The following SLC25A21 variants were observed in gnomAD, a reference collection of about 807,000 sequenced individuals.
SLC25A21 encodes the protein mitochondrial 2-oxodicarboxylate carrier.
Under a neutral mutation model 43.8 loss-of-function variants are expected in SLC25A21, and 47 were observed. The ratio of observed to expected loss-of-function variants is 1.07; its 90% CI spans 0.85 to 1.37. The LOEUF (loss-of-function observed/expected upper bound fraction) is 1.37, where lower values mean the gene tolerates loss of function less well. Ranked by LOEUF, SLC25A21 falls within the 40% of genes most tolerant of loss-of-function variation. The pLI, the probability that SLC25A21 is intolerant of heterozygous loss-of-function variation, is 0.00. For synonymous variants in SLC25A21, 131 were observed against 121.3 expected, an observed-to-expected ratio of 1.08 and a Z score of -0.52; for missense variants, 352 against 350.2, an observed-to-expected ratio of 1.00 and a Z score of -0.04.
chr14:37,132,323 A>G (rs1963405220), intron 1 of SLC25A21, among the ~76,000 whole-genome samples: 1 of 152,286 alleles, frequency 6.6e-6, no homozygotes, highest in South Asian at 2.1e-4. Context: ...AGAACTTCAC[A>G]AGCAGAGGAG....
intron 1 of SLC25A21, among the ~76,000 whole-genome samples, chr14:36,919,406 G>A (rs1183054808): frequency 6.6e-6 from 1 of 152,016 alleles, no homozygotes; most frequent in African/African-American, 2.4e-5. Context: ...TAACCTTTGT[G>A]TGAACACCTG....
rs550408622 is a variant in SLC25A21 at position 36,818,687 on chromosome 14, G to GT, written c.120-4687dup. ...ACACATGACTTATTCTGATCACAGAGTTATCAGTTCTTCTCAGGAATCTGT... is the reference window on the plus strand; with the variant it reads ...ACACATGACTTATTCTGATCACAGAGTTTATCAGTTCTTCTCAGGAATCTGT... On this transcript the variant is annotated intron_variant, in intron 2 of 9. Transcript: ENST00000331299. Among the ~76,000 whole-genome samples, 7 of 152,294 alleles carry GT rather than the reference G, an allele frequency of 4.6e-5. No homozygotes were observed. In the South Asian group the frequency reaches 1.4e-3, roughly 32 times the overall value.
chr14:36,802,014 T>C (rs1887886065), intron 3 of SLC25A21, among the ~76,000 whole-genome samples: 1 of 152,194 alleles, frequency 6.6e-6, no homozygotes. Context: ...CATGCCAAAA[T>C]TTAATGCCTC....
chr14:36,785,129 A>C (rs1274881574), intron 3 of SLC25A21, among the ~76,000 whole-genome samples: 1 of 152,200 alleles, frequency 6.6e-6, no homozygotes, highest in Non-Finnish European at 1.5e-5. Flanking sequence ...GCCAAAGTAC[A>C]GTCAGTCCTC....
At chr14:36,785,209 G>C (rs1887203976) in intron 3 of SLC25A21, among the ~76,000 whole-genome samples, 1 of 152,188 alleles carries the variant, frequency 6.6e-6, no homozygotes, top group African/African-American at 2.4e-5. Context: ...GTGGATGCTT[G>C]TGAATGGGGC....
At chr14:36,860,596 C>T (rs1344901799) in intron 2 of SLC25A21, among the ~76,000 whole-genome samples, 2 of 152,196 alleles carry the variant, frequency 1.3e-5, no homozygotes, top group Non-Finnish European at 2.9e-5. Context: ...ATCATGTCTG[C>T]TCACCTGACC....
chr14:36,958,068 A>AT (rs34413483), intron 1 of SLC25A21, among the ~76,000 whole-genome samples: 35 of 150,126 alleles, frequency 2.3e-4, no homozygotes, highest in South Asian at 1.9e-3. Context: ...TTTGAGGCTC[A>AT]TTTTTTTTTT....
chr14:37,054,627 A>C (rs1961781447), intron 1 of SLC25A21, among the ~76,000 whole-genome samples: 1 of 152,138 alleles, frequency 6.6e-6, no homozygotes. Flanking sequence ...GAGGTGATGG[A>C]AAGTGAGGAA....
intron 6 of SLC25A21, among the ~76,000 whole-genome samples, chr14:36,711,750 C>T (rs1468458702): frequency 6.6e-6 from 1 of 152,170 alleles, no homozygotes; most frequent in Non-Finnish European, 1.5e-5. Flanking sequence ...TGTATAATAA[C>T]TATCATCACT....
intron 1 of SLC25A21, among the ~76,000 whole-genome samples, chr14:37,051,399 T>G (rs1310874630): frequency 6.6e-6 from 1 of 152,176 alleles, no homozygotes; most frequent in Non-Finnish European, 1.5e-5. Flanking sequence ...AGGGAAGAAC[T>G]CATTTCACAG....
Position 37,164,899 on chromosome 14 carries a change from T to A in SLC25A21, c.70+7382A>T, listed in dbSNP as rs866206327. 3.3e-5 allele frequency among the ~76,000 whole-genome samples: 5 copies of A among 152,330 alleles called. No individual in the cohort carries two copies. The Middle Eastern group carries it at 0.014, about 415-fold the overall frequency. On this transcript the variant is annotated intron_variant, in intron 1 of 9. Coordinates refer to ENST00000331299, the MANE Select transcript of SLC25A21 (RefSeq NM_030631.4). ...AAAAAGTCTTTCATTTCACTCTTAT[T>A]TGACTCTTTGAAGGTGATTAATGAG...
chr14:36,758,861 G>T (rs1312214925), intron 3 of SLC25A21, among the ~76,000 whole-genome samples: 1 of 152,160 alleles, frequency 6.6e-6, no homozygotes, highest in African/African-American at 2.4e-5. Flanking sequence ...AGGCGTCCAG[G>T]AGAACAATCA....
chr14:37,156,346 AAAAG>A (rs1197796130), intron 1 of SLC25A21, among the ~76,000 whole-genome samples: 2 of 151,990 alleles, frequency 1.3e-5, no homozygotes, highest in East Asian at 1.9e-4. Context: ...TAATAAGAGA[AAAAG>A]AAAGGAACAA....
At chr14:36,881,501 G>A (rs1890723466) in intron 1 of SLC25A21, among the ~76,000 whole-genome samples, 1 of 152,084 alleles carries the variant, frequency 6.6e-6, no homozygotes. Flanking sequence ...TCACTTCCCA[G>A]AAAACATGAG....
At chr14:37,097,774 C>T (rs988968760) in intron 1 of SLC25A21, 1 of 152,064 alleles carries the variant, frequency 6.6e-6, no homozygotes, top group Non-Finnish European at 1.5e-5. Context: ...ATCCCAGCTA[C>T]TCAGGAGGCT....
intron 1 of SLC25A21, among the ~76,000 whole-genome samples, chr14:37,133,880 A>G (rs1963433430): frequency 1.3e-5 from 2 of 152,152 alleles, no homozygotes; most frequent in South Asian, 4.1e-4. Context: ...CCTCAGTAAA[A>G]TCATTCCTGG....
At chr14:36,914,338 T>C (rs1482459188) in intron 1 of SLC25A21, among the ~76,000 whole-genome samples, 6 of 152,124 alleles carry the variant, frequency 3.9e-5, no homozygotes, top group African/African-American at 9.7e-5. Flanking sequence ...ACAGAAAACA[T>C]TGGTAAGGTA....
chr14:36,886,829 C>T (rs1313052551), intron 1 of SLC25A21, among the ~76,000 whole-genome samples: 1 of 152,072 alleles, frequency 6.6e-6, no homozygotes, highest in Admixed American at 6.6e-5. Context: ...AGAAGTTATT[C>T]TTGTCTTCCT....
At chr14:36,982,482 A>C (rs1391092624) in intron 1 of SLC25A21, among the ~76,000 whole-genome samples, 3 of 152,196 alleles carry the variant, frequency 2.0e-5, no homozygotes, top group Non-Finnish European at 2.9e-5. Context: ...TCTAAGCAGT[A>C]GAATTTTTAA....
Sources: gnomAD v4.1 joint callset for allele counts (sites outside exome capture counted in the v4.1 genomes callset) on GRCh38, gnomAD v4.1.1 for gene constraint, MANE v1.5 for transcripts, NCBI Gene and HGNC (gene_info 2026-07-23, HGNC 2026-07-21) for gene names.